The following UBE2J2 variants were observed in gnomAD, a reference collection of about 807,000 sequenced individuals.
UBE2J2 encodes the protein ubiquitin conjugating enzyme E2 J2, also known as ubiquitin-conjugating enzyme E2 J2.
Under a neutral mutation model 28.6 loss-of-function variants are expected in UBE2J2, and 5 were observed. That is an observed-to-expected ratio of 0.17 (90% CI 0.09 to 0.37). The LOEUF (loss-of-function observed/expected upper bound fraction) is 0.37, where lower values mean the gene tolerates loss of function less well. Among genes scored for constraint, UBE2J2 ranks in the 10% least tolerant of loss-of-function variants. The pLI, the probability that UBE2J2 is intolerant of heterozygous loss-of-function variation, is 1.00. For missense variants in UBE2J2, 226 were observed against 338.9 expected, an observed-to-expected ratio of 0.67 and a Z score of 2.62; for synonymous variants, 138 against 139.7, an observed-to-expected ratio of 0.99 and a Z score of 0.09.
rs754337110 is a variant in UBE2J2 at position 1,256,094 on chromosome 1, A to T, written c.446T>A (p.Phe149Tyr). 7.4e-6 allele frequency: 12 copies of T among 1,613,640 alleles called. No individual in the cohort carries two copies. In the South Asian group the frequency reaches 1.3e-4, roughly 18 times the overall value. The change falls in exon 6 of 7, where the codon TTT (phenylalanine) becomes TAT (tyrosine). Residue 149 changes from phenylalanine to tyrosine, a missense_variant. Physicochemically the swap from Phe to Tyr is conservative, Grantham distance 22. Coordinates refer to ENST00000349431, the MANE Select transcript of UBE2J2 (RefSeq NM_058167.3). ...ACAAAAGACTTTATCTTTCAAATTA[A>T]ATGCTAAACTCTGCACTGCCAGTTG... ...KRQLAVQSLA[F>Y]NLKDKVFCEL...
chr1:1,255,593 T>C, intron 6 of UBE2J2, 106 bp from the exon 7 acceptor site: 1 of 1,360,448 alleles, frequency 7.4e-7, no homozygotes, highest in Non-Finnish European at 1.0e-6. Context: ...AACCAAGCCC[T>C]AGGCTGTGTC....
chr1:1,258,557 C>G lies in UBE2J2; in HGVS notation c.173-1247G>C, dbSNP rs114646916. ...TAGTTTCACGGCCTCCCATCAGGAG[C>G]CCTGCAATGGCTGCTCAGCCACTTC... On this transcript the variant is annotated intron_variant, in intron 3 of 6. Transcript: ENST00000349431. Among the ~76,000 whole-genome samples, 12 of 152,304 alleles carry G rather than the reference C, an allele frequency of 7.9e-5. No homozygotes were observed. In the South Asian group the frequency reaches 1.7e-3, roughly 21 times the overall value.
intron 2 of UBE2J2, among the ~76,000 whole-genome samples, chr1:1,264,091 G>C (rs1326395856): frequency 6.6e-6 from 1 of 152,212 alleles, no homozygotes; most frequent in Non-Finnish European, 1.5e-5. Flanking sequence ...AACACAGCTA[G>C]TGATGCGGGG....
At chr1:1,267,048 C>T (rs1639909800) in intron 2 of UBE2J2, among the ~76,000 whole-genome samples, 1 of 151,728 alleles carries the variant, frequency 6.6e-6, no homozygotes, top group South Asian at 2.1e-4. Flanking sequence ...GCCATCATGC[C>T]CAGCTAATAT....
intron 2 of UBE2J2, 110 bp downstream of exon 2, chr1:1,267,752 G>C: frequency 6.4e-7 from 1 of 1,557,658 alleles, no homozygotes; most frequent in East Asian, 2.3e-5. Flanking sequence ...GGGTGCAGGA[G>C]CACCTTGCCA....
chr1:1,254,558 A>G lies in UBE2J2; in HGVS notation c.*645T>C, dbSNP rs943421295. On this transcript the variant is annotated 3_prime_UTR_variant, in exon 7 of 7. Transcript: ENST00000349431. Reference sequence around the variant, plus strand: ...CTCGCGGCCGCCGCAGTCAAGGGCGACTTGTGGTTGGAGTGAGCAGGCTCC... The same window carrying G: ...CTCGCGGCCGCCGCAGTCAAGGGCGGCTTGTGGTTGGAGTGAGCAGGCTCC... 1.3e-5 allele frequency: 2 copies of G among 152,354 alleles called. No homozygotes were observed. Among genetic ancestry groups the G allele is most frequent in the African/African-American group, 4.8e-5 (2 of 41,468 alleles). 9.4% of individuals were successfully genotyped at this position (152,354 alleles called of 1,614,324 possible). A position where few individuals can be genotyped will look rare whatever the true frequency, so the allele number is the denominator to read the frequency against.
At chr1:1,263,133 A>C in intron 3 of UBE2J2, 1 of 555,380 alleles carries the variant, frequency 1.8e-6, no homozygotes, top group Non-Finnish European at 3.3e-6. Context: ...CACAGACGCT[A>C]CAGGCGGCCC....
At chr1:1,264,059 A>T (rs538503422) in intron 2 of UBE2J2, among the ~76,000 whole-genome samples, 2 of 152,318 alleles carry the variant, frequency 1.3e-5, no homozygotes, top group South Asian at 4.1e-4. Context: ...GTTTTTTGAT[A>T]TCACACATGC....
chr1:1,255,988 G>A (rs1639152187), intron 6 of UBE2J2, 57 bp downstream of exon 6: 8 of 1,235,442 alleles, frequency 6.5e-6, no homozygotes, highest in Non-Finnish European at 9.6e-6. Context: ...TTGGAAAGAG[G>A]TGAAACTCAA....
intron 3 of UBE2J2, 35 bp downstream of exon 3, chr1:1,263,311 G>T: frequency 6.3e-7 from 1 of 1,598,028 alleles, no homozygotes; most frequent in East Asian, 2.2e-5. Context: ...TATAAAAACC[G>T]CCTGGTGTTC....
At chr1:1,255,585 C>T in intron 6 of UBE2J2, 98 bp from the exon 7 acceptor site, 1 of 1,408,624 alleles carries the variant, frequency 7.1e-7, no homozygotes, top group Non-Finnish European at 9.6e-7. Flanking sequence ...CCACCAAGAA[C>T]CAAGCCCTAG....
In UBE2J2 at chr1:1,267,909, C is replaced by T. The variant is rs181599540; in HGVS notation, c.84G>A (p.Pro28=). 2.5e-5 allele frequency: 40 copies of T among 1,614,086 alleles called. 1 individual carries two copies. Among genetic ancestry groups the T allele is most frequent in the Admixed American group, 2.3e-4 (14 of 60,024 alleles). The change falls in exon 2 of 7, where the codon CCG becomes CCA. Residue 28 remains proline, a synonymous_variant. Coordinates refer to ENST00000349431, the MANE Select transcript of UBE2J2 (RefSeq NM_058167.3). ...KQDYLRIKKD[P]VPYICAEPLP... ...GGGGCTCGGCACAGATGTAAGGCAC[C>T]GGGTCTTTCTTAATGCGAAGGTAGT... is the stretch of plus-strand genomic sequence containing the variant.
intron 3 of UBE2J2, among the ~76,000 whole-genome samples, chr1:1,257,940 A>C (rs536317907): frequency 6.6e-6 from 1 of 151,892 alleles, no homozygotes; most frequent in East Asian, 1.9e-4. Context: ...CTCCCCTCCC[A>C]AGCTCTCAAA....
chr1:1,256,916 G>T (rs1182467425), intron 5 of UBE2J2, 76 bp downstream of exon 5: 4 of 904,868 alleles, frequency 4.4e-6, no homozygotes, highest in Non-Finnish European at 4.5e-6. Context: ...AAAAAAGGCA[G>T]CTGCAACTCA....
intron 2 of UBE2J2, among the ~76,000 whole-genome samples, chr1:1,265,691 G>A (rs1192113662): frequency 2.0e-5 from 3 of 150,532 alleles, no homozygotes; most frequent in South Asian, 2.1e-4. Context: ...ACAGTGGTGC[G>A]ATCTCAGCTC....
chr1:1,272,149 CA>C (rs796701172), intron 1 of UBE2J2, among the ~76,000 whole-genome samples: 154 of 144,208 alleles, frequency 1.1e-3, no homozygotes, highest in Middle Eastern at 3.5e-3. Context: ...GACCCTGTAT[CA>C]AAAAAAAAAA....
chr1:1,266,626 C>A (rs1034854259), intron 2 of UBE2J2, among the ~76,000 whole-genome samples: 1 of 151,906 alleles, frequency 6.6e-6, no homozygotes, highest in Non-Finnish European at 1.5e-5. Context: ...TCAAGACCAT[C>A]CTGGCTAACA....
At chr1:1,261,595 C>CA (rs1002430280) in intron 3 of UBE2J2, among the ~76,000 whole-genome samples, 6 of 148,904 alleles carry the variant, frequency 4.0e-5, no homozygotes, top group East Asian at 2.0e-4. Flanking sequence ...ACAAAACAAA[C>CA]AAAAAAAATG....
intron 2 of UBE2J2, 105 bp downstream of exon 2, chr1:1,267,757 T>C: frequency 1.9e-6 from 3 of 1,562,248 alleles, no homozygotes; most frequent in Non-Finnish European, 2.6e-6. Flanking sequence ...CAGGAGCACC[T>C]TGCCAATGCC....
Sources: gnomAD v4.1 joint callset for allele counts (sites outside exome capture counted in the v4.1 genomes callset) on GRCh38, gnomAD v4.1.1 for gene constraint, MANE v1.5 for transcripts, NCBI Gene and HGNC (gene_info 2026-07-23, HGNC 2026-07-21) for gene names.